VTI1A: variants seen among roughly 807,000 people sequenced by gnomAD.
VTI1A encodes the protein vesicle transport through interaction with t-SNAREs 1A, also known as vesicle transport through interaction with t-SNAREs homolog 1A.
Under a neutral mutation model 34.9 loss-of-function variants are expected in VTI1A, and 22 were observed. That is an observed-to-expected ratio of 0.63 (90% confidence interval 0.45 to 0.90). The LOEUF is 0.90. VTI1A is among the 40% of genes least tolerant of loss of function. The pLI is 0.00. For synonymous variants in VTI1A, 87 were observed against 97.3 expected (o/e 0.89, Z 0.62); for missense variants, 268 against 275.6 (o/e 0.97, Z 0.20).
chr10:112,684,042 C>CAA (rs1451540918), intron 7 of VTI1A, among the ~76,000 whole-genome samples: 3 of 99,126 alleles, frequency 3.0e-5, no homozygotes, highest in South Asian at 3.5e-4. Flanking sequence ...GACTCCGTGT[C>CAA]AAAAAAAAAA....
At chr10:112,792,184 A>C (rs949310286) in intron 7 of VTI1A, among the ~76,000 whole-genome samples, 8 of 152,156 alleles carry the variant, frequency 5.3e-5, no homozygotes, top group Non-Finnish European at 7.3e-5. Context: ...CTGAGGCAGG[A>C]GAATCATGTG....
chr10:112,538,581 C>T (rs1850741565), intron 5 of VTI1A: 1 of 378,268 alleles, frequency 2.6e-6, no homozygotes, highest in African/African-American at 2.1e-5. Context: ...TGTCTAAATT[C>T]TACATTTGTC....
chr10:112,515,342 CATATT>C (rs1849740254), intron 3 of VTI1A, among the ~76,000 whole-genome samples: 1 of 151,990 alleles, frequency 6.6e-6, no homozygotes. Context: ...GATGAGTAGA[CATATT>C]ATTTTCAATT....
chr10:112,509,510 C>G (rs931578704), intron 3 of VTI1A, among the ~76,000 whole-genome samples: 1 of 152,078 alleles, frequency 6.6e-6, no homozygotes. Flanking sequence ...ACATATCAGG[C>G]GTTAAGATTG....
At chr10:112,854,562 G>A in the VTI1A span, among the ~76,000 whole-genome samples, 3 of 152,134 alleles carry the variant, frequency 2.0e-5, no homozygotes, top group Non-Finnish European at 4.4e-5. Flanking sequence ...CAGCACTGCT[G>A]TTCCATGGCT....
intron 4 of VTI1A, among the ~76,000 whole-genome samples, chr10:112,531,642 A>G (rs949432421): frequency 6.6e-6 from 1 of 152,202 alleles, no homozygotes; most frequent in African/African-American, 2.4e-5. Context: ...AGCATTTTTA[A>G]ACACTCATTG....
At chr10:112,739,741 T>G (rs116134328) in intron 7 of VTI1A, among the ~76,000 whole-genome samples, 3,120 of 152,306 alleles carry the variant, frequency 0.02, 111 homozygotes, top group African/African-American at 0.071. Context: ...ATAGTATGTG[T>G]GATTACAGAT....
intron 4 of VTI1A, among the ~76,000 whole-genome samples, chr10:112,534,787 C>T (rs756504501): frequency 3.3e-5 from 5 of 152,032 alleles, no homozygotes; most frequent in Non-Finnish European, 7.4e-5. Context: ...TGAGGGATAA[C>T]ATAAATATTA....
At chr10:112,455,876 AT>A (rs1056102997) in intron 1 of VTI1A, among the ~76,000 whole-genome samples, 4 of 152,132 alleles carry the variant, frequency 2.6e-5, no homozygotes, top group South Asian at 2.1e-4. Flanking sequence ...CAATTTAATT[AT>A]TTTTTTCGTG....
the VTI1A span, among the ~76,000 whole-genome samples, chr10:112,837,400 C>T: frequency 2.0e-5 from 3 of 152,134 alleles, no homozygotes; most frequent in Non-Finnish European, 2.9e-5. Flanking sequence ...AGTGACCCAC[C>T]GATGTGGATC....
At chr10:112,644,322 G>T (rs1846691823) in intron 5 of VTI1A, among the ~76,000 whole-genome samples, 1 of 152,270 alleles carries the variant, frequency 6.6e-6, no homozygotes, top group South Asian at 2.1e-4. Flanking sequence ...TCCTAGCCTG[G>T]CAGGTGGTAA....
chr10:112,836,287 C>T, the VTI1A span, among the ~76,000 whole-genome samples: 1 of 152,122 alleles, frequency 6.6e-6, no homozygotes, highest in South Asian at 2.1e-4. Context: ...TGGCCAGAGA[C>T]CCAGCTAGAA....
intron 5 of VTI1A, among the ~76,000 whole-genome samples, chr10:112,620,736 A>G (rs1045715274): frequency 3.3e-5 from 5 of 151,728 alleles, no homozygotes; most frequent in Non-Finnish European, 7.4e-5. Flanking sequence ...GTTGCAGTGA[A>G]CTGAGATCAT....
At chr10:112,586,673 C>T (rs992656689) in intron 5 of VTI1A, among the ~76,000 whole-genome samples, 1 of 152,102 alleles carries the variant, frequency 6.6e-6, no homozygotes, top group African/African-American at 2.4e-5. Flanking sequence ...TCTCTGTGTA[C>T]CCCGCTGCCT....
At chr10:112,772,191 T>C (rs569659043) in intron 7 of VTI1A, among the ~76,000 whole-genome samples, 3 of 152,358 alleles carry the variant, frequency 2.0e-5, no homozygotes, top group African/African-American at 4.8e-5. Context: ...GGTTTTGATT[T>C]CTCCACATAT....
At chr10:112,678,808 C>T (rs1848117709) in intron 7 of VTI1A, among the ~76,000 whole-genome samples, 1 of 152,110 alleles carries the variant, frequency 6.6e-6, no homozygotes, top group South Asian at 2.1e-4. Context: ...TTTCAAAGTG[C>T]AGTTAGGGAG....
rs757564741 is a variant in VTI1A, at chr10:112,504,479, A to G, written c.265-22608A>G. ...CGATGTTGGAGAACTTTCCATATCAATATGTAAAGAGCTTTTTTATTCTTT... is the reference window on the plus strand; with the variant it reads ...CGATGTTGGAGAACTTTCCATATCAGTATGTAAAGAGCTTTTTTATTCTTT... On this transcript the variant is annotated intron_variant, in intron 3 of 7. Transcript: ENST00000393077. 1.0e-4 allele frequency among the ~76,000 whole-genome samples: 15 copies of G among 150,484 alleles called. No individual in the cohort carries two copies. In the South Asian group the frequency reaches 1.1e-3, roughly 11 times the overall value.
intron 7 of VTI1A, among the ~76,000 whole-genome samples, chr10:112,695,360 A>AT (rs1264378802): frequency 1.3e-5 from 2 of 150,924 alleles, no homozygotes; most frequent in Non-Finnish European, 3.0e-5. Context: ...CATCTAATTA[A>AT]GCCTTCAAAT....
intron 5 of VTI1A, among the ~76,000 whole-genome samples, chr10:112,623,986 C>T (rs1424033729): frequency 2.6e-5 from 4 of 152,212 alleles, no homozygotes; most frequent in Non-Finnish European, 4.4e-5. Context: ...CCTTCAGCCT[C>T]GGCTCCCAGT....
Sources: gnomAD v4.1 joint callset for allele counts (sites outside exome capture counted in the v4.1 genomes callset) on GRCh38, gnomAD v4.1.1 for gene constraint, MANE v1.5 for transcripts, NCBI Gene and HGNC (gene_info 2026-07-23, HGNC 2026-07-21) for gene names.